The following CHSY3 variants were observed in gnomAD, a reference collection of about 807,000 sequenced individuals.
CHSY3 encodes chondroitin sulfate synthase 3.
A neutral mutation model predicts 67.2 loss-of-function variants in CHSY3; 35 were observed. That is an observed-to-expected ratio of 0.52 (90% CI 0.40 to 0.69). CHSY3 has a LOEUF of 0.69. Among genes scored for constraint, CHSY3 ranks in the 30% least tolerant of loss-of-function variants. CHSY3 has a pLI of 0.00. For missense variants in CHSY3, 1,069 were observed against 1,138.5 expected, an observed-to-expected ratio of 0.94 and a Z score of 0.88; for synonymous variants, 474 against 434.7, an observed-to-expected ratio of 1.09 and a Z score of -1.12.
chr5:130,176,620 A>G (rs1479998008), intron 2 of CHSY3, among the ~76,000 whole-genome samples: 2 of 152,218 alleles, frequency 1.3e-5, no homozygotes, highest in Admixed American at 1.3e-4. Flanking sequence ...TAGACTAGAT[A>G]AAGAAAATGT....
At chr5:130,071,537 T>TGTG (rs1554080739) in intron 2 of CHSY3, among the ~76,000 whole-genome samples, 1 of 141,810 alleles carries the variant, frequency 7.1e-6, no homozygotes, top group African/African-American at 2.6e-5. Flanking sequence ...TAGTAGTTCA[T>TGTG]TGTGTGTGTG....
chr5:129,973,923 T>A (rs1211485816), intron 2 of CHSY3, among the ~76,000 whole-genome samples: 3 of 152,126 alleles, frequency 2.0e-5, no homozygotes, highest in Non-Finnish European at 4.4e-5. Context: ...TCTCCTAGAA[T>A]GACATGCTAT....
intron 2 of CHSY3, among the ~76,000 whole-genome samples, chr5:130,175,736 A>T (rs1228847638): frequency 2.0e-5 from 3 of 152,224 alleles, no homozygotes; most frequent in African/African-American, 7.2e-5. Flanking sequence ...GACAAACCTG[A>T]CAAAAACAAG....
chr5:130,159,020 G>A (rs1470956974), intron 2 of CHSY3, among the ~76,000 whole-genome samples: 1 of 151,768 alleles, frequency 6.6e-6, no homozygotes, highest in East Asian at 1.9e-4. Context: ...AGTCTGTCTC[G>A]AACTGCTGAG....
At position 130,166,814 on chromosome 5, in the gene CHSY3, T is replaced by A. The variant is rs116809586; in HGVS notation, c.1087-17415T>A. Among the ~76,000 whole-genome samples, 1,097 of 152,260 alleles carry A rather than the reference T, an allele frequency of 7.2e-3. 11 individuals carry two copies. Among genetic ancestry groups the A allele is most frequent in the African/African-American group, 0.024 (1,010 of 41,574 alleles). ...AAAATCAGCTGGAAGGAAACACTAC[T>A]AATCTCCTTGATTGCACCACAAGGA... On this transcript the variant is annotated intron_variant, in intron 2 of 2. Transcript: ENST00000305031.
intron 2 of CHSY3, among the ~76,000 whole-genome samples, chr5:130,121,194 G>A (rs1480588787): frequency 6.6e-6 from 1 of 152,126 alleles, no homozygotes; most frequent in Non-Finnish European, 1.5e-5. Flanking sequence ...TATGATTCTG[G>A]GTACCGATGC....
rs771131434 is a variant in CHSY3 at position 130,091,134 on chromosome 5, A to ACACG, written c.1087-93094_1087-93093insACGC. 3.5e-5 allele frequency among the ~76,000 whole-genome samples: 4 copies of ACACG among 114,256 alleles called. No individual in the cohort carries two copies. The South Asian group carries it at 8.4e-4, about 24-fold the overall frequency. 75.0% of individuals were successfully genotyped at this position (114,256 alleles called of 152,430 possible). A position where few individuals can be genotyped will look rare whatever the true frequency, so the allele number is the denominator to read the frequency against. ...GCAACACACACACACACACACACAC[A>ACACG]CGCACACGCGCGCACACACACACAC... On this transcript the variant is annotated intron_variant, in intron 2 of 2. Transcript: ENST00000305031.
intron 2 of CHSY3, among the ~76,000 whole-genome samples, chr5:130,055,962 G>C (rs1296958912): frequency 6.6e-6 from 1 of 152,050 alleles, no homozygotes; most frequent in African/African-American, 2.4e-5. Flanking sequence ...GATAAGAATT[G>C]ATGTTGATTC....
chr5:129,948,729 A>C (rs1761939260), intron 2 of CHSY3, among the ~76,000 whole-genome samples: 3 of 152,170 alleles, frequency 2.0e-5, no homozygotes, highest in African/African-American at 7.2e-5. Flanking sequence ...ATCAAATGGT[A>C]GTTCTACTTT....
At chr5:130,168,364 A>G (rs1769807644) in intron 2 of CHSY3, among the ~76,000 whole-genome samples, 1 of 152,130 alleles carries the variant, frequency 6.6e-6, no homozygotes, top group Non-Finnish European at 1.5e-5. Context: ...TGATGATGGC[A>G]GTCTTCGCCC....
intron 2 of CHSY3, among the ~76,000 whole-genome samples, chr5:130,144,465 T>C (rs1486555479): frequency 6.6e-5 from 10 of 151,918 alleles, no homozygotes; most frequent in African/African-American, 9.7e-5. Context: ...ATAAAAGATA[T>C]TTACACTAAA....
chr5:130,009,382 A>C (rs149751321), intron 2 of CHSY3, among the ~76,000 whole-genome samples: 1 of 152,130 alleles, frequency 6.6e-6, no homozygotes, highest in Non-Finnish European at 1.5e-5. Flanking sequence ...TCCTAAACGA[A>C]GGAAAAATAT....
intron 2 of CHSY3, among the ~76,000 whole-genome samples, chr5:129,947,417 A>G (rs56373739): frequency 9.1e-4 from 138 of 152,214 alleles, no homozygotes; most frequent in African/African-American, 3.2e-3. Context: ...TGGGCCCAGG[A>G]GTTCAAGACT....
At chr5:130,052,490 A>G (rs1414638231) in intron 2 of CHSY3, among the ~76,000 whole-genome samples, 2 of 152,200 alleles carry the variant, frequency 1.3e-5, no homozygotes, top group African/African-American at 4.8e-5. Flanking sequence ...CATTGGCCCC[A>G]TGGCACTGCT....
intron 2 of CHSY3, among the ~76,000 whole-genome samples, chr5:129,929,319 G>C (rs921323803): frequency 2.0e-5 from 3 of 152,210 alleles, no homozygotes; most frequent in African/African-American, 7.2e-5. Flanking sequence ...GGAAAAATAT[G>C]TAAGAATAAA....
intron 2 of CHSY3, among the ~76,000 whole-genome samples, chr5:130,020,202 G>A (rs911233572): frequency 1.6e-4 from 24 of 151,760 alleles, no homozygotes; most frequent in Non-Finnish European, 5.9e-5. Context: ...TGCATCACTC[G>A]AGGTCAGGAG....
intron 2 of CHSY3, among the ~76,000 whole-genome samples, chr5:130,071,275 A>C (rs1224227007): frequency 6.6e-6 from 1 of 152,066 alleles, no homozygotes; most frequent in Non-Finnish European, 1.5e-5. Context: ...GTCACCTAAA[A>C]TATTAATTAG....
chr5:130,065,951 C>T (rs1765869938), intron 2 of CHSY3, among the ~76,000 whole-genome samples: 3 of 152,066 alleles, frequency 2.0e-5, no homozygotes, highest in Admixed American at 2.0e-4. Flanking sequence ...AAGATCTCCC[C>T]AGCCTGCTTT....
chr5:129,943,442 T>C (rs898467469), intron 2 of CHSY3, among the ~76,000 whole-genome samples: 2 of 152,368 alleles, frequency 1.3e-5, no homozygotes, highest in African/African-American at 4.8e-5. Flanking sequence ...TCAAATTTTA[T>C]TGGTTTGCCA....
Sources: gnomAD v4.1 joint callset for allele counts (sites outside exome capture counted in the v4.1 genomes callset) on GRCh38, gnomAD v4.1.1 for gene constraint, MANE v1.5 for transcripts, NCBI Gene and HGNC (gene_info 2026-07-23, HGNC 2026-07-21) for gene names.